SPATA22: variants seen among roughly 807,000 people sequenced by gnomAD.
SPATA22 encodes spermatogenesis associated 22.
SPATA22 carries 29 observed loss-of-function variants against 47.8 expected under a neutral mutation model. The ratio of observed to expected loss-of-function variants is 0.61; its 90% CI spans 0.45 to 0.83. The LOEUF is 0.83. SPATA22 is among the 40% of genes least tolerant of loss of function. The pLI is 0.00. For synonymous variants in SPATA22, 133 were observed against 140.9 expected (o/e 0.94, Z 0.40); for missense variants, 410 against 421.7 (o/e 0.97, Z 0.24).
chr17:3,457,133 G>T (rs1188932638), intron 5 of SPATA22, among the ~76,000 whole-genome samples: 7 of 152,024 alleles, frequency 4.6e-5, no homozygotes, highest in Non-Finnish European at 8.8e-5. Flanking sequence ...CTTTGAAAAT[G>T]GGCACAAGAC....
At chr17:3,509,010 G>A (rs914107247) in intron 1 of SPATA22, among the ~76,000 whole-genome samples, 1 of 151,364 alleles carries the variant, frequency 6.6e-6, no homozygotes, top group Admixed American at 6.6e-5. Context: ...AGGCTGATCG[G>A]CAATAATGAT....
upstream of SPATA22, chr17:3,476,319 A>C (rs757607501): frequency 5.0e-6 from 8 of 1,614,100 alleles, no homozygotes; most frequent in East Asian, 1.8e-4. Flanking sequence ...ATTTATTACT[A>C]ACCCCAGAGC....
intron 1 of SPATA22, among the ~76,000 whole-genome samples, chr17:3,479,165 C>G (rs1185630126): frequency 6.6e-6 from 1 of 152,080 alleles, no homozygotes. Context: ...TGGCTAATGC[C>G]CTTCAGAATC....
chr17:3,474,510 T>C (rs2073493362), upstream of SPATA22, among the ~76,000 whole-genome samples: 2 of 152,230 alleles, frequency 1.3e-5, no homozygotes, highest in Non-Finnish European at 2.9e-5. Flanking sequence ...TTACGTGTGT[T>C]TTCATCATCT....
intron 4 of SPATA22, 63 bp from the exon 5 acceptor site, chr17:3,462,641 A>G: frequency 6.3e-7 from 1 of 1,579,590 alleles, no homozygotes; most frequent in Non-Finnish European, 8.7e-7. Context: ...AAATTAAGAT[A>G]TACGTAGAAG....
At chr17:3,450,003 C>T (rs1282645243) in intron 5 of SPATA22, among the ~76,000 whole-genome samples, 1 of 152,148 alleles carries the variant, frequency 6.6e-6, no homozygotes, top group Non-Finnish European at 1.5e-5. Context: ...CAGGTGAGTG[C>T]CACTATGCCC....
intron 3 of SPATA22, among the ~76,000 whole-genome samples, chr17:3,464,317 T>G (rs1402653330): frequency 1.3e-5 from 2 of 151,118 alleles, no homozygotes; most frequent in Admixed American, 1.3e-4. Flanking sequence ...AGTGGCGTGA[T>G]CTCGGCTCGC....
At chr17:3,511,443 T>A (rs920571429) in intron 1 of SPATA22, 1 of 152,234 alleles carries the variant, frequency 6.6e-6, no homozygotes, top group East Asian at 1.9e-4. Flanking sequence ...CTGCATGACT[T>A]TGCCCAAGTA....
chr17:3,449,899 C>G (rs371606303), intron 5 of SPATA22, among the ~76,000 whole-genome samples: 1 of 151,846 alleles, frequency 6.6e-6, no homozygotes, highest in Non-Finnish European at 1.5e-5. Flanking sequence ...GTTACCCAGG[C>G]TGGAATGTAA....
chr17:3,494,541 C>T (rs1053295028), intron 1 of SPATA22: 16 of 1,132,116 alleles, frequency 1.4e-5, no homozygotes, highest in African/African-American at 1.1e-4. Context: ...TACAGCACTT[C>T]GCGTACATTC....
intron 3 of SPATA22, 96 bp from the exon 4 acceptor site, chr17:3,462,863 TGAA>T (rs2073160671): frequency 1.9e-6 from 2 of 1,037,004 alleles, no homozygotes; most frequent in East Asian, 2.5e-5. Context: ...TTTAAAAACT[TGAA>T]GAAGAAAAAA....
At position 3,494,277 on chromosome 17, in the gene SPATA22, G is replaced by A. The variant is rs986914986; in HGVS notation, c.-74+19135C>T. The A allele has an allele frequency of 8.6e-6, 10 of 1,169,432 alleles. No individual in the cohort carries two copies. The African/African-American group carries it at 1.5e-4, about 18-fold the overall frequency. 72.4% of individuals were successfully genotyped at this position (1,169,432 alleles called of 1,614,324 possible). On this transcript the variant is annotated intron_variant, in intron 1 of 8. Coordinates refer to the SPATA22 transcript ENST00000541913. The stretch of plus-strand genomic sequence containing the variant: ...ACTCGGCCTCCCAAAGTGCTGGGAT[G>A]ACAGGCATGAGCCACCACACCCGGC...
At chr17:3,489,457 A>C (rs976795599) in intron 1 of SPATA22, 1 of 861,130 alleles carries the variant, frequency 1.2e-6, no homozygotes, top group African/African-American at 1.7e-5. Flanking sequence ...TAAAATTTTT[A>C]TTCACTTCAG....
chr17:3,491,876 TC>T (rs1241417587), intron 1 of SPATA22, among the ~76,000 whole-genome samples: 30 of 102,696 alleles, frequency 2.9e-4, no homozygotes, highest in African/African-American at 1.0e-3. Flanking sequence ...TCTTTTGTTT[TC>T]TTTTTTTTTT....
intron 1 of SPATA22, chr17:3,494,258 C>A: frequency 1.1e-6 from 1 of 942,436 alleles, no homozygotes; most frequent in Non-Finnish European, 1.7e-6. Flanking sequence ...CCCAACTCGG[C>A]CTCCCAAAGT....
At chr17:3,466,774 G>C (rs896143948) in intron 3 of SPATA22, among the ~76,000 whole-genome samples, 2 of 152,168 alleles carry the variant, frequency 1.3e-5, no homozygotes, top group African/African-American at 2.4e-5. Context: ...GGACGGAAAA[G>C]CTCCCTCATA....
intron 6 of SPATA22, among the ~76,000 whole-genome samples, chr17:3,447,756 A>G (rs1277858713): frequency 2.6e-5 from 4 of 152,204 alleles, no homozygotes; most frequent in African/African-American, 7.2e-5. Context: ...GGGCTACATC[A>G]TGCAGTGACA....
intron 5 of SPATA22, among the ~76,000 whole-genome samples, chr17:3,453,121 T>A (rs1339260358): frequency 6.6e-6 from 1 of 152,094 alleles, no homozygotes; most frequent in African/African-American, 2.4e-5. Context: ...GCAAAAATCC[T>A]CAATAAATAC....
At chr17:3,496,136 T>C (rs2073904357) in intron 1 of SPATA22, among the ~76,000 whole-genome samples, 1 of 152,124 alleles carries the variant, frequency 6.6e-6, no homozygotes, top group Admixed American at 6.5e-5. Context: ...TGACAGACAA[T>C]AATGAATGGC....
Sources: allele counts gnomAD v4.1 joint callset (sites outside exome capture counted in the v4.1 genomes callset), GRCh38; gene constraint gnomAD v4.1.1; transcripts MANE v1.5; gene names NCBI Gene and HGNC (gene_info 2026-07-23, HGNC 2026-07-21).